RIMS1: variants seen among roughly 807,000 people sequenced by gnomAD.
RIMS1 encodes regulating synaptic membrane exocytosis protein 1.
RIMS1 carries 83 observed loss-of-function variants against 214.1 expected under a neutral mutation model. That is an observed-to-expected ratio of 0.39 (90% CI 0.32 to 0.47). The LOEUF is 0.47. Ranked by LOEUF, RIMS1 falls within the 20% of genes least tolerant of loss-of-function variation. RIMS1 has a pLI of 0.99. For missense variants in RIMS1, 2,050 were observed against 2,161.8 expected (o/e 0.95, Z 1.03); for synonymous variants, 793 against 786.8 (o/e 1.01, Z -0.13).
At chr6:72,226,225 A>G (rs1032387927) in intron 6 of RIMS1, among the ~76,000 whole-genome samples, 1 of 152,102 alleles carries the variant, frequency 6.6e-6, no homozygotes, top group Admixed American at 6.6e-5. Context: ...CACCAGGCCA[A>G]TGTAGAGGTA....
Position 71,990,735 on chromosome 6 carries a change from C to T in RIMS1, c.245+21672C>T, listed in dbSNP as rs184819666. On this transcript the variant is annotated intron_variant, in intron 2 of 33. Coordinates refer to ENST00000521978, the MANE Select transcript of RIMS1 (RefSeq NM_014989.7). Reference sequence around the variant, plus strand: ...CCCTGACAGGATGGGCAGTAAGCTCCGAGATCAGAAGGAACGTGTCCCTGG... The same window carrying T: ...CCCTGACAGGATGGGCAGTAAGCTCTGAGATCAGAAGGAACGTGTCCCTGG... Among the ~76,000 whole-genome samples, 429 of 151,944 alleles carry T rather than the reference C, an allele frequency of 2.8e-3. 3 individuals are homozygous for T. The highest frequency in any genetic ancestry group is 9.9e-3 in the African/African-American group (410 of 41,458).
chr6:72,283,926 G>A (rs1007015769), intron 23 of RIMS1, 121 bp from the exon 24 acceptor site: 1 of 701,790 alleles, frequency 1.4e-6, no homozygotes, highest in Admixed American at 2.2e-5. Flanking sequence ...GAAAAGTACT[G>A]ACTGACAAAA....
intron 4 of RIMS1, among the ~76,000 whole-genome samples, chr6:72,171,606 C>A (rs899084227): frequency 8.6e-5 from 13 of 151,974 alleles, no homozygotes; most frequent in Admixed American, 8.5e-4. Flanking sequence ...CTATTATTAC[C>A]CCCTGTCTAT....
intron 4 of RIMS1, among the ~76,000 whole-genome samples, chr6:72,108,598 CTACAAG>C (rs1488496643): frequency 6.6e-6 from 1 of 152,040 alleles, no homozygotes; most frequent in Non-Finnish European, 1.5e-5. Context: ...TGTGGGTTAA[CTACAAG>C]TACATGTATC....
At chr6:72,148,520 C>G (rs1273769040) in intron 4 of RIMS1, 4 of 450,054 alleles carry the variant, frequency 8.9e-6, no homozygotes, top group African/African-American at 8.0e-5. Flanking sequence ...ATTATTTGCA[C>G]TCACCTAATG....
At chr6:72,316,758 C>G (rs2095823572) in intron 28 of RIMS1, 2 of 679,484 alleles carry the variant, frequency 2.9e-6, no homozygotes. Flanking sequence ...AGAGGCCACT[C>G]CCTAGTAGGC....
In RIMS1 at chr6:72,060,159, G is replaced by A. The variant is rs532686694; in HGVS notation, c.246-36790G>A. On this transcript the variant is annotated intron_variant, in intron 2 of 33. Transcript: ENST00000521978. Reference sequence around the variant, plus strand: ...TTTATTTATTTTTTAAGTAGAGACAGGGTTTCTCCATGTTGGTCAGGCTGG... The same window carrying A: ...TTTATTTATTTTTTAAGTAGAGACAAGGTTTCTCCATGTTGGTCAGGCTGG... Among the ~76,000 whole-genome samples the A allele has an allele frequency of 1.8e-4, 28 of 151,938 alleles. 1 individual carries two copies. In the South Asian group the frequency reaches 1.9e-3, roughly 10 times the overall value.
intron 4 of RIMS1, among the ~76,000 whole-genome samples, chr6:72,108,002 T>G (rs2035119830): frequency 1.4e-5 from 2 of 143,096 alleles, no homozygotes; most frequent in South Asian, 4.3e-4. Context: ...TGTTTGTTTG[T>G]TTTGTTTTGT....
chr6:72,088,363 C>T (rs1166725015), intron 2 of RIMS1, among the ~76,000 whole-genome samples: 1 of 151,952 alleles, frequency 6.6e-6, no homozygotes, highest in East Asian at 1.9e-4. Flanking sequence ...ATTCTCCTGC[C>T]TCAGCTTTCT....
chr6:71,972,618 A>G (rs929069620), intron 2 of RIMS1, among the ~76,000 whole-genome samples: 1 of 152,174 alleles, frequency 6.6e-6, no homozygotes, highest in Non-Finnish European at 1.5e-5. Context: ...CTGAGTTGTC[A>G]TCACTTAATC....
intron 4 of RIMS1, among the ~76,000 whole-genome samples, chr6:72,159,325 T>G (rs1161229814): frequency 7.1e-6 from 1 of 140,614 alleles, no homozygotes; most frequent in Non-Finnish European, 1.6e-5. Context: ...TTGCAAAAAT[T>G]TTCTCCCATT....
intron 4 of RIMS1, among the ~76,000 whole-genome samples, chr6:72,140,668 C>G (rs977611740): frequency 1.8e-4 from 28 of 152,010 alleles, no homozygotes; most frequent in African/African-American, 4.6e-4. Context: ...TGTGTTAGTG[C>G]TGTAAGACCT....
Position 71,886,682 on chromosome 6 carries a change from C to G in RIMS1, c.-342C>G, listed in dbSNP as rs2150293959. On this transcript the variant is annotated 5_prime_UTR_variant, in exon 1 of 34. Transcript: ENST00000521978. The stretch of plus-strand genomic sequence containing the variant: ...AGACGCCCGGATCGGCGGAGCCTGG[C>G]GCGAGCCCTCGCCCCCTCGCCTCTC... 1 of 151,812 alleles carries G rather than the reference C, an allele frequency of 6.6e-6. No homozygotes were observed. The highest frequency in any genetic ancestry group is 1.8e-4 in the South Asian group (1 of 5,670). 9.4% of individuals were successfully genotyped at this position (151,812 alleles called of 1,614,324 possible).
At chr6:71,892,585 C>T (rs1770254565) in intron 1 of RIMS1, among the ~76,000 whole-genome samples, 1 of 152,096 alleles carries the variant, frequency 6.6e-6, no homozygotes, top group Non-Finnish European at 1.5e-5. Context: ...TATCTGCTTG[C>T]TGTTTTGCCC....
chr6:71,924,965 A>G (rs1392309621), intron 1 of RIMS1, among the ~76,000 whole-genome samples: 6 of 152,162 alleles, frequency 3.9e-5, no homozygotes, highest in African/African-American at 1.4e-4. Flanking sequence ...TGGGTTCCTC[A>G]GTGGTAGGGA....
At chr6:72,171,066 A>G (rs1482336061) in intron 4 of RIMS1, among the ~76,000 whole-genome samples, 1 of 152,060 alleles carries the variant, frequency 6.6e-6, no homozygotes, top group African/African-American at 2.4e-5. Flanking sequence ...ATAAGGATTC[A>G]GGACTATATA....
chr6:72,029,540 C>T (rs1406354203), intron 2 of RIMS1, among the ~76,000 whole-genome samples: 1 of 152,126 alleles, frequency 6.6e-6, no homozygotes, highest in Non-Finnish European at 1.5e-5. Context: ...TCACCAGACA[C>T]TGAATTTGTT....
At chr6:72,219,665 T>C (rs2057693120) in intron 6 of RIMS1, among the ~76,000 whole-genome samples, 2 of 87,326 alleles carry the variant, frequency 2.3e-5, no homozygotes, top group African/African-American at 9.3e-5. Context: ...ATAAATAGCT[T>C]TGAGGGTTTT....
At chr6:72,368,913 G>A (rs2154398772) in intron 29 of RIMS1, among the ~76,000 whole-genome samples, 1 of 151,992 alleles carries the variant, frequency 6.6e-6, no homozygotes, top group South Asian at 2.1e-4. Flanking sequence ...GGATTGGTAG[G>A]GGAAACACAG....
Sources: allele counts gnomAD v4.1 joint callset (sites outside exome capture counted in the v4.1 genomes callset), GRCh38; gene constraint gnomAD v4.1.1; transcripts MANE v1.5; gene names NCBI Gene and HGNC (gene_info 2026-07-23, HGNC 2026-07-21).